The following DNAH3 variants were observed in gnomAD, a reference collection of about 807,000 sequenced individuals.
DNAH3 encodes the protein axonemal beta dynein heavy chain 3.
Under a neutral mutation model 432.5 loss-of-function variants are expected in DNAH3, and 332 were observed. The ratio of observed to expected loss-of-function variants is 0.77; its 90% CI spans 0.70 to 0.84. The LOEUF (loss-of-function observed/expected upper bound fraction) is 0.84, where lower values mean the gene tolerates loss of function less well. Ranked by LOEUF, DNAH3 falls within the 40% of genes least tolerant of loss-of-function variation. The pLI, the probability that DNAH3 is intolerant of heterozygous loss-of-function variation, is 0.00. For missense variants in DNAH3, 4,861 were observed against 5,114.0 expected (o/e 0.95, Z 1.51); for synonymous variants, 1,956 against 1,900.2 (o/e 1.03, Z -0.76).
chr16:20,980,235 TTATA>T (rs59370460), intron 49 of DNAH3, among the ~76,000 whole-genome samples: 5 of 107,214 alleles, frequency 4.7e-5, no homozygotes, highest in Non-Finnish European at 8.5e-5. Flanking sequence ...TTTATTTATA[TTATA>T]TATATAATAT....
chr16:20,999,532 G>A (rs1238340245), intron 43 of DNAH3, among the ~76,000 whole-genome samples: 3 of 152,120 alleles, frequency 2.0e-5, no homozygotes, highest in Non-Finnish European at 2.9e-5. Context: ...AGATGAGAAC[G>A]CTACGTGTCA....
chr16:21,120,250 T>C (rs2152811281), intron 11 of DNAH3, among the ~76,000 whole-genome samples: 1 of 151,958 alleles, frequency 6.6e-6, no homozygotes, highest in South Asian at 2.1e-4. Flanking sequence ...ACTACAGACG[T>C]GTGCCACCAC....
At chr16:20,950,988 C>A (rs1033517874) in intron 56 of DNAH3, among the ~76,000 whole-genome samples, 3 of 152,020 alleles carry the variant, frequency 2.0e-5, no homozygotes, top group East Asian at 1.9e-4. Flanking sequence ...ATATCCAGCT[C>A]ATTTTTATTT....
exon 53 of DNAH3, chr16:20,964,113 T>C (rs1291168775): frequency 6.2e-7 from 1 of 1,614,096 alleles, no homozygotes; most frequent in Non-Finnish European, 8.5e-7. Flanking sequence ...TGATGGCGGT[T>C]TCATCCTCCA....
intron 41 of DNAH3, among the ~76,000 whole-genome samples, chr16:21,007,254 G>A (rs957203723): frequency 2.2e-4 from 28 of 129,876 alleles, no homozygotes; most frequent in African/African-American, 6.0e-4. Context: ...CTGTCACCCC[G>A]GCTGGAGTGC....
chr16:21,059,917 T>C (rs2090285363), intron 26 of DNAH3, among the ~76,000 whole-genome samples: 1 of 151,974 alleles, frequency 6.6e-6, no homozygotes, highest in Non-Finnish European at 1.5e-5. Flanking sequence ...GGGAACACAA[T>C]GAGTTATGCC....
intron 1 of DNAH3, among the ~76,000 whole-genome samples, chr16:21,151,156 G>T (rs547551483): frequency 1.3e-5 from 2 of 152,278 alleles, no homozygotes; most frequent in East Asian, 3.9e-4. Context: ...TTAGCTGTGT[G>T]GCTTGGCAAG....
chr16:20,948,415 C>T lies in DNAH3; in HGVS notation c.11343+68G>A, dbSNP rs1358206669. On this transcript the variant is annotated intron_variant, in intron 57 of 61. Coordinates refer to ENST00000261383, the Ensembl canonical transcript of DNAH3. ...CTGGGATCCCTGGCTACACTGCAGCCCTGTAGCCATATAGAGATGACGGAG... is the reference window on the plus strand; with the variant it reads ...CTGGGATCCCTGGCTACACTGCAGCTCTGTAGCCATATAGAGATGACGGAG... 8.6e-6 allele frequency: 13 copies of T among 1,518,552 alleles called. No individual in the cohort carries two copies. In the East Asian group the frequency reaches 3.0e-4, roughly 35 times the overall value. 94.1% of individuals were successfully genotyped at this position (1,518,552 alleles called of 1,614,324 possible).
chr16:20,950,164 G>A (rs1017738702), intron 56 of DNAH3, among the ~76,000 whole-genome samples: 4 of 152,168 alleles, frequency 2.6e-5, no homozygotes, highest in African/African-American at 4.8e-5. Context: ...GCACTTCTTT[G>A]GAGATGTTCT....
chr16:20,938,369 G>A (rs534908775), intron 59 of DNAH3, among the ~76,000 whole-genome samples: 10 of 150,140 alleles, frequency 6.7e-5, no homozygotes, highest in Admixed American at 1.3e-4. Context: ...CAGCCTGGGC[G>A]ACAAGAGTGA....
chr16:21,062,718 C>A, intron 24 of DNAH3, 35 bp from the exon 25 acceptor site: 1 of 1,570,998 alleles, frequency 6.4e-7, no homozygotes, highest in Non-Finnish European at 8.7e-7. Flanking sequence ...TAACTGGAAC[C>A]TCTTCCAAGA....
chr16:21,035,628 G>A (rs1045060768), intron 35 of DNAH3, among the ~76,000 whole-genome samples: 2 of 152,134 alleles, frequency 1.3e-5, no homozygotes, highest in East Asian at 1.9e-4. Flanking sequence ...TTCTGCGTAC[G>A]TTTCGTTCAA....
rs1197244377 is a variant in DNAH3 at position 21,139,866 on chromosome 16, A to C, written c.696+670T>G. ...TCAATCTTGGCTCACTGCAACCTCC[A>C]CCTCCCAGGTTCAAGTGATTCTCCT... is the stretch of plus-strand genomic sequence containing the variant. On this transcript the variant is annotated intron_variant, in intron 5 of 61. Transcript: ENST00000261383. Among the ~76,000 whole-genome samples, 3 of 132,170 alleles carry C rather than the reference A, an allele frequency of 2.3e-5. No individual in the cohort carries two copies. The East Asian group carries it at 6.7e-4, about 30-fold the overall frequency. 86.7% of individuals were successfully genotyped at this position (132,170 alleles called of 152,430 possible). A position where few individuals can be genotyped will look rare whatever the true frequency, so the allele number is the denominator to read the frequency against.
exon 18 of DNAH3, chr16:21,097,402 C>A: frequency 6.2e-7 from 1 of 1,613,982 alleles, no homozygotes; most frequent in African/African-American, 1.3e-5. Context: ...GGCTGTCGAC[C>A]ACAGCTGCTC....
rs565560043 is a variant in DNAH3 at position 20,995,424 on chromosome 16, G to A, written c.6601+1859C>T. ...GGGATAACAGGTGTGCATCATGCCCGGCTAATTTTTGTATTTTTAGTAGAG... is the reference window on the plus strand; with the variant it reads ...GGGATAACAGGTGTGCATCATGCCCAGCTAATTTTTGTATTTTTAGTAGAG... On this transcript the variant is annotated intron_variant, in intron 44 of 61. Transcript: ENST00000261383. 9.9e-5 allele frequency among the ~76,000 whole-genome samples: 15 copies of A among 151,460 alleles called. No individual in the cohort carries two copies. The South Asian group carries it at 1.3e-3, about 13-fold the overall frequency.
intron 1 of DNAH3, among the ~76,000 whole-genome samples, chr16:21,158,973 T>G (rs980413776): frequency 3.4e-5 from 5 of 147,092 alleles, no homozygotes; most frequent in Admixed American, 6.8e-5. Flanking sequence ...TCCCCACCCC[T>G]AAATGCACAC....
intron 9 of DNAH3, among the ~76,000 whole-genome samples, chr16:21,123,524 T>G (rs1243638673): frequency 6.6e-6 from 1 of 152,220 alleles, no homozygotes; most frequent in African/African-American, 2.4e-5. Context: ...CAATGACATT[T>G]ATAGATTGGT....
chr16:20,989,592 C>CG (rs1567596972), intron 44 of DNAH3, among the ~76,000 whole-genome samples: 1 of 152,192 alleles, frequency 6.6e-6, no homozygotes, highest in Non-Finnish European at 1.5e-5. Flanking sequence ...TAGTGGATCC[C>CG]GCACCGGGGC....
chr16:20,992,697 T>C (rs1421349282), intron 44 of DNAH3, among the ~76,000 whole-genome samples: 2 of 152,228 alleles, frequency 1.3e-5, no homozygotes, highest in African/African-American at 4.8e-5. Flanking sequence ...TTAAGATGTC[T>C]TGGTTTCTTT....
Sources: gnomAD v4.1 joint callset for allele counts (sites outside exome capture counted in the v4.1 genomes callset) on GRCh38, gnomAD v4.1.1 for gene constraint, MANE v1.5 for transcripts, NCBI Gene and HGNC (gene_info 2026-07-23, HGNC 2026-07-21) for gene names.